ARID1B: variants seen among roughly 807,000 people sequenced by gnomAD.
ARID1B encodes the protein AT-rich interaction domain 1B, also known as AT-rich interactive domain-containing protein 1B.
A neutral mutation model predicts 212.3 loss-of-function variants in ARID1B; 30 were observed. The ratio of observed to expected loss-of-function variants is 0.14; its 90% confidence interval spans 0.11 to 0.19. The LOEUF is 0.19. Among genes scored for constraint, ARID1B ranks in the 10% least tolerant of loss-of-function variants. The pLI, the probability that ARID1B is intolerant of heterozygous loss-of-function variation, is 1.00. For missense variants in ARID1B, 2,891 were observed against 3,204.0 expected, an observed-to-expected ratio of 0.90 and a Z score of 2.36; for synonymous variants, 1,402 against 1,301.7, an observed-to-expected ratio of 1.08 and a Z score of -1.66.
At chr6:157,027,853 G>A (rs1319359897) in intron 4 of ARID1B, among the ~76,000 whole-genome samples, 1 of 152,118 alleles carries the variant, frequency 6.6e-6, no homozygotes, top group Non-Finnish European at 1.5e-5. Flanking sequence ...GGTGGGACTG[G>A]GAGAGGGATT....
chr6:157,166,943 C>A (rs567368085), intron 8 of ARID1B, 97 bp from the exon 9 acceptor site: 1 of 1,475,868 alleles, frequency 6.8e-7, no homozygotes. Context: ...TATAGCCCCA[C>A]CCCTTACATA....
intron 5 of ARID1B, among the ~76,000 whole-genome samples, chr6:157,097,065 T>C (rs1035413475): frequency 9.2e-5 from 14 of 152,206 alleles, no homozygotes; most frequent in Non-Finnish European, 1.5e-5. Context: ...TAAGTGGTTT[T>C]AGCTGTCTCG....
At chr6:156,879,136 T>A (rs991049321) in intron 2 of ARID1B, among the ~76,000 whole-genome samples, 1 of 152,218 alleles carries the variant, frequency 6.6e-6, no homozygotes, top group Admixed American at 6.5e-5. Flanking sequence ...GGGAGGAGTG[T>A]TCGCATCATA....
intron 4 of ARID1B, among the ~76,000 whole-genome samples, chr6:157,056,466 G>A (rs1782960924): frequency 6.6e-6 from 1 of 152,234 alleles, no homozygotes; most frequent in Non-Finnish European, 1.5e-5. Flanking sequence ...TTGCCATAGA[G>A]TGAGATAAGT....
chr6:157,018,212 C>CATTT (rs1253242445), intron 4 of ARID1B, among the ~76,000 whole-genome samples: 1 of 72,432 alleles, frequency 1.4e-5, no homozygotes, highest in Non-Finnish European at 2.3e-5. Context: ...AAGTAGTATG[C>CATTT]TTTTTTTTTT....
At chr6:156,979,042 A>T (rs1028403521) in intron 4 of ARID1B, among the ~76,000 whole-genome samples, 7 of 152,112 alleles carry the variant, frequency 4.6e-5, no homozygotes, top group African/African-American at 1.7e-4. Context: ...GTCAGTGCTT[A>T]TGTTTCTGTA....
At chr6:156,854,847 A>G (rs992163838) in intron 2 of ARID1B, among the ~76,000 whole-genome samples, 3 of 152,256 alleles carry the variant, frequency 2.0e-5, no homozygotes, top group Non-Finnish European at 2.9e-5. Context: ...TGTAATTACC[A>G]TAAATAATTA....
chr6:157,093,737 C>T (rs1182915215), intron 5 of ARID1B, among the ~76,000 whole-genome samples: 3 of 152,304 alleles, frequency 2.0e-5, no homozygotes, highest in Non-Finnish European at 2.9e-5. Context: ...AAATATATTA[C>T]TTCATTTGAT....
chr6:156,964,254 A>C (rs1193856431), intron 4 of ARID1B, among the ~76,000 whole-genome samples: 1 of 152,264 alleles, frequency 6.6e-6, no homozygotes, highest in African/African-American at 2.4e-5. Flanking sequence ...ACATATGCTG[A>C]ATCAGCTCTT....
chr6:157,162,359 G>A (rs1346752018), intron 8 of ARID1B, among the ~76,000 whole-genome samples: 2 of 152,198 alleles, frequency 1.3e-5, no homozygotes, highest in African/African-American at 4.8e-5. Context: ...TGAACCATTG[G>A]AAATAGTCGC....
intron 6 of ARID1B, among the ~76,000 whole-genome samples, chr6:157,118,104 T>C (rs986569339): frequency 6.6e-6 from 1 of 152,242 alleles, no homozygotes; most frequent in Non-Finnish European, 1.5e-5. Flanking sequence ...AAGTTATTTT[T>C]TAAATGTGAA....
intron 4 of ARID1B, among the ~76,000 whole-genome samples, chr6:156,974,745 A>G (rs1186852287): frequency 6.6e-6 from 1 of 152,216 alleles, no homozygotes. Context: ...CTGCTACTAA[A>G]ATATATGCTT....
At chr6:157,195,006 TA>T (rs776715640) in intron 15 of ARID1B, 1 of 152,264 alleles carries the variant, frequency 6.6e-6, no homozygotes, top group East Asian at 1.9e-4. Context: ...ACCCTCTCTC[TA>T]AAAAACATAA....
chr6:157,161,453 A>ATATT (rs1562313986), intron 8 of ARID1B, among the ~76,000 whole-genome samples: 1 of 147,136 alleles, frequency 6.8e-6, no homozygotes, highest in African/African-American at 2.6e-5. Context: ...ATATATATAT[A>ATATT]TTTTGGCGGG....
chr6:156,991,575 T>A (rs1778280184), intron 4 of ARID1B, among the ~76,000 whole-genome samples: 1 of 152,156 alleles, frequency 6.6e-6, no homozygotes, highest in South Asian at 2.1e-4. Flanking sequence ...TTGTACCAAA[T>A]CAGAATTAGA....
intron 3 of ARID1B, among the ~76,000 whole-genome samples, chr6:156,921,936 G>T (rs570429003): frequency 6.6e-6 from 1 of 151,950 alleles, no homozygotes; most frequent in South Asian, 2.1e-4. Context: ...CAACTTTTGA[G>T]ATTAACCCCC....
intron 2 of ARID1B, among the ~76,000 whole-genome samples, chr6:156,858,268 A>G (rs560595800): frequency 5.6e-4 from 86 of 152,300 alleles, no homozygotes; most frequent in African/African-American, 1.9e-3. Context: ...GGGATGGTTA[A>G]TAGGTACAAG....
At chr6:157,010,278 G>GTTTTTTT (rs367851681) in intron 4 of ARID1B, among the ~76,000 whole-genome samples, 33 of 102,270 alleles carry the variant, frequency 3.2e-4, no homozygotes, top group African/African-American at 5.5e-4. Context: ...TGCATTGCCT[G>GTTTTTTT]TTTTTTTTTT....
chr6:156,982,799 T>C (rs1056711913), intron 4 of ARID1B, among the ~76,000 whole-genome samples: 1 of 152,218 alleles, frequency 6.6e-6, no homozygotes, highest in Non-Finnish European at 1.5e-5. Context: ...AGCAGCATGT[T>C]ATTATTTTTT....
Sources: gnomAD v4.1 joint callset for allele counts (sites outside exome capture counted in the v4.1 genomes callset) on GRCh38, gnomAD v4.1.1 for gene constraint, MANE v1.5 for transcripts, NCBI Gene and HGNC (gene_info 2026-07-23, HGNC 2026-07-21) for gene names.